The following NLGN1 variants were observed in gnomAD, a reference collection of about 807,000 sequenced individuals.
The protein encoded by NLGN1 is neuroligin-1.
In NLGN1, 12 loss-of-function variants were observed where a neutral mutation model predicts 65.5. The ratio of observed to expected loss-of-function variants is 0.18; its 90% CI spans 0.12 to 0.30. The LOEUF (loss-of-function observed/expected upper bound fraction) is 0.30, where lower values mean the gene tolerates loss of function less well. Ranked by LOEUF, NLGN1 falls within the 10% of genes least tolerant of loss-of-function variation. NLGN1 has a pLI of 1.00. For missense variants in NLGN1, 750 were observed against 1,007.1 expected, an observed-to-expected ratio of 0.74 and a Z score of 3.46; for synonymous variants, 350 against 359.5, an observed-to-expected ratio of 0.97 and a Z score of 0.30.
At chr3:174,270,538 A>G (rs1749208139) in intron 4 of NLGN1, among the ~76,000 whole-genome samples, 1 of 151,934 alleles carries the variant, frequency 6.6e-6, no homozygotes, top group African/African-American at 2.4e-5. Context: ...ATCATATTCT[A>G]GCATGAGGAT....
chr3:174,037,750 T>A (rs1731451715), intron 4 of NLGN1, among the ~76,000 whole-genome samples: 1 of 152,228 alleles, frequency 6.6e-6, no homozygotes, highest in Non-Finnish European at 1.5e-5. Context: ...TAGCACCTTT[T>A]ACTTTTTCTG....
intron 2 of NLGN1, among the ~76,000 whole-genome samples, chr3:173,524,756 G>T (rs1307093600): frequency 6.6e-6 from 1 of 152,104 alleles, no homozygotes; most frequent in Non-Finnish European, 1.5e-5. Context: ...CTAGTTTGTT[G>T]TGGGTTTTTA....
At chr3:173,502,903 T>G (rs1295279540) in intron 2 of NLGN1, among the ~76,000 whole-genome samples, 1 of 152,128 alleles carries the variant, frequency 6.6e-6, no homozygotes, top group Non-Finnish European at 1.5e-5. Flanking sequence ...AAGACTTATA[T>G]TTGAATTGCT....
intron 2 of NLGN1, among the ~76,000 whole-genome samples, chr3:173,569,348 C>T (rs1002636985): frequency 1.3e-4 from 20 of 151,912 alleles, no homozygotes; most frequent in South Asian, 1.2e-3. Context: ...CTTCATCTGT[C>T]GGTTTATGAA....
intron 4 of NLGN1, among the ~76,000 whole-genome samples, chr3:174,163,259 A>T (rs568417098): frequency 1.9e-4 from 29 of 152,038 alleles, no homozygotes; most frequent in African/African-American, 6.7e-4. Flanking sequence ...TTCTCCTTTC[A>T]TGAGATTCAC....
intron 4 of NLGN1, among the ~76,000 whole-genome samples, chr3:173,814,979 TTTTTC>T (rs1046223679): frequency 3.0e-4 from 45 of 152,128 alleles, no homozygotes; most frequent in African/African-American, 9.2e-4. Context: ...TCCATTTCTT[TTTTTC>T]TTTTCTTTTC....
At position 173,683,330 on chromosome 3, in the gene NLGN1, G is replaced by A. The variant is rs185372996; in HGVS notation, c.493+78239G>A. Among the ~76,000 whole-genome samples the A allele has an allele frequency of 3.5e-3, 534 of 151,960 alleles. 10 individuals carry two copies. Among genetic ancestry groups the A allele is most frequent in the Admixed American group, 0.03 (454 of 15,274 alleles). ...TGGCATAAATACTGCTTCATGCACT[G>A]TGTGTTTGAAAACACTGCTTTTAGT... On this transcript the variant is annotated intron_variant, in intron 3 of 6. Coordinates refer to ENST00000457714, the Ensembl canonical transcript of NLGN1.
chr3:174,035,054 G>C (rs1019436930), intron 4 of NLGN1, among the ~76,000 whole-genome samples: 1 of 151,860 alleles, frequency 6.6e-6, no homozygotes. Context: ...AATTATCAGG[G>C]GTCAAGAAGG....
intron 2 of NLGN1, among the ~76,000 whole-genome samples, chr3:173,485,805 T>C (rs2148986891): frequency 6.6e-6 from 1 of 152,334 alleles, no homozygotes; most frequent in Non-Finnish European, 1.5e-5. Context: ...TTTTCCTACA[T>C]AGGTAATCAA....
intron 1 of NLGN1, among the ~76,000 whole-genome samples, chr3:173,406,733 C>G (rs1718775899): frequency 6.6e-6 from 1 of 151,834 alleles, no homozygotes; most frequent in South Asian, 2.1e-4. Flanking sequence ...AAAATTGCCA[C>G]TGCTCTTAAG....
intron 4 of NLGN1, among the ~76,000 whole-genome samples, chr3:174,076,710 AGAGAGAGAGAGAGAGTGTGTGT>A (rs1213337166): frequency 2.2e-5 from 3 of 139,014 alleles, no homozygotes; most frequent in Admixed American, 7.0e-5. Flanking sequence ...AGAGAGAGAG[AGAGAGAGAGAGAGAGTGTGTGT>A]GTGTGTGTGT....
intron 4 of NLGN1, among the ~76,000 whole-genome samples, chr3:174,052,252 A>G (rs1735059274): frequency 6.6e-6 from 1 of 152,062 alleles, no homozygotes; most frequent in African/African-American, 2.4e-5. Flanking sequence ...AACTCAATGC[A>G]GCAGTCTGTA....
intron 2 of NLGN1, among the ~76,000 whole-genome samples, chr3:173,454,688 C>T (rs1722221972): frequency 6.6e-6 from 1 of 152,224 alleles, no homozygotes; most frequent in South Asian, 2.1e-4. Flanking sequence ...TAGGGTCTTG[C>T]TCTGGATTAG....
At chr3:174,029,199 C>T (rs1308916524) in intron 4 of NLGN1, among the ~76,000 whole-genome samples, 1 of 152,196 alleles carries the variant, frequency 6.6e-6, no homozygotes, top group Non-Finnish European at 1.5e-5. Context: ...GGAAAAGCTG[C>T]AGACACTCAA....
intron 2 of NLGN1, among the ~76,000 whole-genome samples, chr3:173,518,553 T>TGC (rs1560373786): frequency 6.7e-6 from 1 of 150,228 alleles, no homozygotes; most frequent in Non-Finnish European, 1.5e-5. Context: ...TGTGCATGCA[T>TGC]GTGTGTGTGT....
intron 1 of NLGN1, chr3:173,399,527 A>C (rs1717260618): frequency 6.6e-6 from 1 of 152,234 alleles, no homozygotes; most frequent in South Asian, 2.1e-4. Context: ...TTGAAGTTGA[A>C]GGTGAAATAT....
At chr3:173,516,239 T>C (rs529906285) in intron 2 of NLGN1, among the ~76,000 whole-genome samples, 3 of 152,178 alleles carry the variant, frequency 2.0e-5, no homozygotes, top group South Asian at 4.1e-4. Flanking sequence ...AGAGTTTGGA[T>C]ATTCTAACTT....
chr3:174,079,510 C>T, intron 4 of NLGN1, among the ~76,000 whole-genome samples: 1 of 152,112 alleles, frequency 6.6e-6, no homozygotes, highest in Non-Finnish European at 1.5e-5. Context: ...AAAACAGAAA[C>T]ACCATTTGAC....
intron 4 of NLGN1, among the ~76,000 whole-genome samples, chr3:173,908,473 A>G (rs1276669487): frequency 6.6e-6 from 1 of 152,186 alleles, no homozygotes; most frequent in Non-Finnish European, 1.5e-5. Context: ...AAAAAGCTGC[A>G]TGAGAGAAGC....
Sources: gnomAD v4.1 joint callset for allele counts (sites outside exome capture counted in the v4.1 genomes callset) on GRCh38, gnomAD v4.1.1 for gene constraint, MANE v1.5 for transcripts, NCBI Gene and HGNC (gene_info 2026-07-23, HGNC 2026-07-21) for gene names.